The following PCCA variants were observed in gnomAD, a reference collection of about 807,000 sequenced individuals.
PCCA encodes propionyl-CoA carboxylase subunit alpha.
In PCCA, 74 loss-of-function variants were observed where a neutral mutation model predicts 101.3. The observed-to-expected ratio is 0.73, with a 90% confidence interval of 0.61 to 0.89. The LOEUF (loss-of-function observed/expected upper bound fraction) is 0.89, where lower values mean the gene tolerates loss of function less well. Among genes scored for constraint, PCCA ranks in the 40% least tolerant of loss-of-function variants. The pLI is 0.00. For synonymous variants in PCCA, 294 were observed against 313.6 expected (o/e 0.94, Z 0.66); for missense variants, 891 against 907.0 (o/e 0.98, Z 0.23).
chr13:100,438,156 T>C (rs1474917920), intron 20 of PCCA, among the ~76,000 whole-genome samples: 1 of 151,910 alleles, frequency 6.6e-6, no homozygotes, highest in Non-Finnish European at 1.5e-5. Context: ...ATTTATTTTT[T>C]ATTTTACTTT....
At chr13:100,189,626 T>A (rs1187647964) in intron 6 of PCCA, among the ~76,000 whole-genome samples, 1 of 152,236 alleles carries the variant, frequency 6.6e-6, no homozygotes, top group East Asian at 1.9e-4. Context: ...TTTGTTTTTG[T>A]TGCATTTTCT....
At chr13:100,327,417 A>T (rs939279595) in intron 16 of PCCA, among the ~76,000 whole-genome samples, 1 of 152,182 alleles carries the variant, frequency 6.6e-6, no homozygotes, top group African/African-American at 2.4e-5. Flanking sequence ...CTGTGTGTGT[A>T]TGTGGAATAG....
chr13:100,382,342 C>T (rs1368945259), intron 19 of PCCA, among the ~76,000 whole-genome samples: 2 of 152,188 alleles, frequency 1.3e-5, no homozygotes, highest in Non-Finnish European at 2.9e-5. Context: ...TTCTCTCCAA[C>T]ATTCAGCTGC....
chr13:100,141,978 A>G (rs1047537313), intron 4 of PCCA, among the ~76,000 whole-genome samples: 1 of 152,210 alleles, frequency 6.6e-6, no homozygotes, highest in Admixed American at 6.5e-5. Flanking sequence ...GGAATTAGGA[A>G]CTAATGTTTT....
intron 21 of PCCA, among the ~76,000 whole-genome samples, chr13:100,498,542 A>G (rs1437856006): frequency 6.6e-6 from 1 of 152,152 alleles, no homozygotes; most frequent in Non-Finnish European, 1.5e-5. Context: ...TAAAACATAC[A>G]ATTCAGTGCA....
chr13:100,479,911 T>G (rs1261901090), intron 21 of PCCA: 1 of 152,200 alleles, frequency 6.6e-6, no homozygotes, highest in African/African-American at 2.4e-5. Context: ...GATAGGCCAC[T>G]TTTGTTAGAG....
chr13:100,348,766 T>TCC, intron 18 of PCCA, among the ~76,000 whole-genome samples: 2 of 95,570 alleles, frequency 2.1e-5, no homozygotes, highest in African/African-American at 4.3e-5. Flanking sequence ...CTTTCTTTCT[T>TCC]TCTTTCTTTC....
At chr13:100,512,970 TC>T (rs1221521158) in intron 21 of PCCA, among the ~76,000 whole-genome samples, 3 of 152,202 alleles carry the variant, frequency 2.0e-5, no homozygotes, top group Non-Finnish European at 4.4e-5. Context: ...GCAGTTTTGA[TC>T]AGAAGCTTGG....
intron 21 of PCCA, among the ~76,000 whole-genome samples, chr13:100,513,106 A>C (rs1300679743): frequency 2.6e-5 from 4 of 152,210 alleles, no homozygotes; most frequent in Admixed American, 6.5e-5. Context: ...CCATCCCGGC[A>C]CGCGCCCCGT....
At chr13:100,321,591 CTGTGTGTGTGTGTGTGTGTGTGTGTGTG>C (rs35931512) in intron 16 of PCCA, among the ~76,000 whole-genome samples, 1 of 131,916 alleles carries the variant, frequency 7.6e-6, no homozygotes, top group African/African-American at 2.9e-5. Flanking sequence ...TATAGAAGAT[CTGTGTGTGTGTGTGTGTGTGTGTGTGTG>C]TGTGTGTGTG....
At chr13:100,403,401 T>C (rs1309256567) in intron 19 of PCCA, among the ~76,000 whole-genome samples, 1 of 152,158 alleles carries the variant, frequency 6.6e-6, no homozygotes, top group African/African-American at 2.4e-5. Context: ...CACATGGTTC[T>C]GCAGGCTGTG....
intron 20 of PCCA, among the ~76,000 whole-genome samples, chr13:100,445,910 C>A (rs1374531716): frequency 6.6e-6 from 1 of 152,186 alleles, no homozygotes; most frequent in Non-Finnish European, 1.5e-5. Context: ...TAACTGATTT[C>A]TTTCCTTTGG....
chr13:100,220,246 A>T (rs1195603283), intron 7 of PCCA, among the ~76,000 whole-genome samples: 1 of 151,796 alleles, frequency 6.6e-6, no homozygotes, highest in African/African-American at 2.4e-5. Flanking sequence ...TCCAATATTT[A>T]CAGTTTCTTT....
At chr13:100,132,973 G>T (rs1053376818) in intron 4 of PCCA, among the ~76,000 whole-genome samples, 4 of 152,088 alleles carry the variant, frequency 2.6e-5, no homozygotes, top group Non-Finnish European at 5.9e-5. Context: ...TAGAGACGGG[G>T]TTTCACCATG....
At chr13:100,457,394 A>C (rs1010943959) in intron 21 of PCCA, among the ~76,000 whole-genome samples, 1 of 152,150 alleles carries the variant, frequency 6.6e-6, no homozygotes, top group Non-Finnish European at 1.5e-5. Context: ...CTGGCTGACA[A>C]ATCAGCCTGC....
chr13:100,089,291 G>A (rs1358250402), intron 1 of PCCA, 66 bp downstream of exon 1: 1 of 1,354,158 alleles, frequency 7.4e-7, no homozygotes, highest in African/African-American at 1.5e-5. Context: ...GCCTCTGGGC[G>A]GCTGGCGCCG....
chr13:100,373,854 G>C (rs1037215765), intron 19 of PCCA, among the ~76,000 whole-genome samples: 8 of 152,096 alleles, frequency 5.3e-5, no homozygotes, highest in African/African-American at 1.7e-4. Flanking sequence ...GCTCACACCT[G>C]TAATCCCAGC....
rs187554010 is a variant in PCCA, at chr13:100,157,351, A to C, written c.468+11A>C. The C allele has an allele frequency of 6.6e-5, 105 of 1,582,274 alleles. 1 individual carries two copies. The East Asian group carries it at 2.3e-3, about 34-fold the overall frequency. ...TTTGCCAGATGTTTGGTAAGTTGGT[A>C]ATGAACCAGAAACTGTTCATTTCTT... On this transcript the variant is annotated intron_variant, in intron 6 of 23. Transcript: ENST00000376285.
chr13:100,404,581 C>G (rs1280908228), intron 19 of PCCA, among the ~76,000 whole-genome samples: 1 of 152,014 alleles, frequency 6.6e-6, no homozygotes. Context: ...GTCCCTGGTT[C>G]CCTTCTCTTC....
Sources: allele counts gnomAD v4.1 joint callset (sites outside exome capture counted in the v4.1 genomes callset), GRCh38; gene constraint gnomAD v4.1.1; transcripts MANE v1.5; gene names NCBI Gene and HGNC (gene_info 2026-07-23, HGNC 2026-07-21).